Variants in PEX3 observed in about 807,000 individuals in gnomAD.
PEX3 encodes the protein peroxisomal biogenesis factor 3, also known as peroxin-3.
In PEX3, 30 loss-of-function variants were observed where a neutral mutation model predicts 55.8. That is an observed-to-expected ratio of 0.54 (90% CI 0.40 to 0.73). PEX3 has a LOEUF of 0.73. PEX3 is among the 30% of genes least tolerant of loss of function. The pLI is 0.00. For missense variants in PEX3, 351 were observed against 432.8 expected (o/e 0.81, Z 1.68); for synonymous variants, 135 against 148.4 (o/e 0.91, Z 0.66).
chr6:143,468,160 T>C lies in PEX3; in HGVS notation c.326T>C (p.Ile109Thr), dbSNP rs1780016339. ...NKLEIWEDLK[I>T]ISFTRSTVAV... is the part of the protein sequence containing the mutation. ...CTAGAAATATGGGAGGATCTGAAGA[T>C]AATAAGTAAGCCTGCATATTCTGTG... The change falls in exon 4 of 12, where the codon ATA becomes ACA. Residue 109 changes from isoleucine to threonine, a missense_variant. Transcript: ENST00000367591. The C allele has an allele frequency of 1.3e-6, 2 of 1,587,546 alleles. No individual in the cohort carries two copies. The highest frequency in any genetic ancestry group is 1.3e-5 in the African/African-American group (1 of 74,402).
Position 143,453,561 on chromosome 6 carries a change from G to A in PEX3, c.73+2446G>A, listed in dbSNP as rs1051987292. 1.3e-4 allele frequency among the ~76,000 whole-genome samples: 20 copies of A among 151,966 alleles called. No homozygotes were observed. Among genetic ancestry groups the A allele is most frequent in the Non-Finnish European group, 2.5e-4 (17 of 68,002 alleles). ...CTGTTACCCACGCTAGAATACAATG[G>A]TGTGATCGTAGCTCACTGCAGCCTT... On this transcript the variant is annotated intron_variant, in intron 1 of 11. Transcript: ENST00000367591. The surrounding 1 kb of genome is among the most constrained non-coding windows in gnomAD (Gnocchi z 4.6).
chr6:143,473,806 A>G (rs548407498), intron 8 of PEX3, among the ~76,000 whole-genome samples: 2 of 152,030 alleles, frequency 1.3e-5, no homozygotes, highest in African/African-American at 2.4e-5. Flanking sequence ...CAGCAGTTCG[A>G]GTCCGTGGTG....
intron 10 of PEX3, among the ~76,000 whole-genome samples, chr6:143,480,178 A>G (rs1219808067): frequency 6.6e-6 from 1 of 152,178 alleles, no homozygotes; most frequent in East Asian, 1.9e-4. Context: ...AAATATCAAC[A>G]TAAAATCTTT....
In PEX3 at chr6:143,490,605, T is replaced by G. The variant is rs972525089; in HGVS notation, c.*1379T>G. On this transcript the variant is annotated 3_prime_UTR_variant, in exon 12 of 12. Coordinates refer to ENST00000367591, the MANE Select transcript of PEX3 (RefSeq NM_003630.3). This position sits in a 1 kb window ranked among gnomAD's most constrained non-coding sequence, Gnocchi z 6.0. Reference sequence around the variant, plus strand: ...TGGATTTGGCTTAATAAAACCTGATTTGAAAACAAAATCTGAGAATGGATT... The same window carrying G: ...TGGATTTGGCTTAATAAAACCTGATGTGAAAACAAAATCTGAGAATGGATT... 5.2e-6 allele frequency: 6 copies of G among 1,143,248 alleles called. No individual in the cohort carries two copies. The highest frequency in any genetic ancestry group is 7.1e-6 in the Non-Finnish European group (6 of 843,658). The allele number at this position is 1,143,248 out of a possible 1,614,324, so 70.8% of individuals were successfully genotyped here.
Position 143,459,126 on chromosome 6 carries a change from G to A in PEX3, c.115G>A (p.Glu39Lys). ...LGKYGQKKIR[E>K]IQEREAAEYI... ...GAAATATGGACAGAAGAAAATCAGA[G>A]AAATACAGGAAAGGGAGGCTGCAGA... The change falls in exon 2 of 12, where the codon GAA becomes AAA. Residue 39 changes from glutamate (E) to lysine (K), a missense_variant. Glu to Lys is a moderately conservative substitution (Grantham distance 56, BLOSUM62 1). Coordinates refer to ENST00000367591, the MANE Select transcript of PEX3 (RefSeq NM_003630.3). The surrounding 1 kb of genome is among the most constrained non-coding windows in gnomAD (Gnocchi z 4.2). The A allele has an allele frequency of 6.2e-7, 1 of 1,602,844 alleles. No individual in the cohort carries two copies. Among genetic ancestry groups the A allele is most frequent in the Non-Finnish European group, 8.5e-7 (1 of 1,169,870 alleles).
At position 143,479,777 on chromosome 6, in the gene PEX3, C is replaced by T. The variant is rs575730870; in HGVS notation, c.941+579C>T. ...CTTATGTATGCCATAAGGTATCTTA[C>T]GGTTTTTTATATCTTTGTTATCCCA... On this transcript the variant is annotated intron_variant, in intron 10 of 11. Coordinates refer to ENST00000367591, the MANE Select transcript of PEX3 (RefSeq NM_003630.3). The surrounding 1 kb of genome is among the most constrained non-coding windows in gnomAD (Gnocchi z 4.6). 4.6e-5 allele frequency among the ~76,000 whole-genome samples: 7 copies of T among 152,098 alleles called. No homozygotes were observed. The highest frequency in any genetic ancestry group is 2.1e-4 in the South Asian group (1 of 4,820).
chr6:143,455,646 G>A (rs1173368934), intron 1 of PEX3, among the ~76,000 whole-genome samples: 1 of 152,096 alleles, frequency 6.6e-6, no homozygotes, highest in Non-Finnish European at 1.5e-5. Flanking sequence ...CTAAAAACAT[G>A]AGTGATATGA....
At position 143,463,917 on chromosome 6, in the gene PEX3, C is replaced by T. The variant is rs1779957107; in HGVS notation, c.287+920C>T. Among the ~76,000 whole-genome samples the T allele has an allele frequency of 6.6e-6, 1 of 152,072 alleles. No homozygotes were observed. Among genetic ancestry groups the T allele is most frequent in the South Asian group, 2.1e-4 (1 of 4,832 alleles). On this transcript the variant is annotated intron_variant, in intron 3 of 11. Transcript: ENST00000367591. This position sits in a 1 kb window ranked among gnomAD's most constrained non-coding sequence, Gnocchi z 5.7. Reference sequence around the variant, plus strand: ...AACAAGTGGGGAATTTTTTTAAAAACACTTACTATATTCAGAGAATACTTC... The same window carrying T: ...AACAAGTGGGGAATTTTTTTAAAAATACTTACTATATTCAGAGAATACTTC...
chr6:143,458,574 G>C lies in PEX3; in HGVS notation c.74-511G>C, dbSNP rs1046265914. On this transcript the variant is annotated intron_variant, in intron 1 of 11. Transcript: ENST00000367591. This position sits in a 1 kb window ranked among gnomAD's most constrained non-coding sequence, Gnocchi z 6.1. ...ACCTGTTATCCCACCATTCAGCAAT[G>C]ATCATTGTTTGTTATATTTTAGAAA... is the stretch of plus-strand genomic sequence containing the variant. Among the ~76,000 whole-genome samples, 2 of 151,980 alleles carry C rather than the reference G, an allele frequency of 1.3e-5. No individual in the cohort carries two copies. Among genetic ancestry groups the C allele is most frequent in the African/African-American group, 4.8e-5 (2 of 41,406 alleles).
chr6:143,490,430 T>C lies in PEX3; in HGVS notation c.*1204T>C, dbSNP rs1780370413. 5.2e-6 allele frequency: 1 copy of C among 191,930 alleles called. No individual in the cohort carries two copies. Among genetic ancestry groups the C allele is most frequent in the Admixed American group, 6.3e-5 (1 of 15,812 alleles). 11.9% of individuals were successfully genotyped at this position (191,930 alleles called of 1,614,324 possible). On this transcript the variant is annotated 3_prime_UTR_variant, in exon 12 of 12. Transcript: ENST00000367591. This position sits in a 1 kb window ranked among gnomAD's most constrained non-coding sequence, Gnocchi z 6.0. ...AGCTCACTGCCAGGGAGTTTGTGTC[T>C]AGAATGTTTTTAAAAATAGGTAGTG...
In PEX3 at chr6:143,486,487, C is replaced by T. The variant is rs780835443; in HGVS notation, c.1038+1239C>T. Among the ~76,000 whole-genome samples, 1 of 152,000 alleles carries T rather than the reference C, an allele frequency of 6.6e-6. No individual in the cohort carries two copies. Among genetic ancestry groups the T allele is most frequent in the Admixed American group, 6.6e-5 (1 of 15,260 alleles). Reference sequence around the variant, plus strand: ...AACAAATGTTTCAATATGGTAAAAACGCCATTGATACTAATGTTTAGTAAA... The same window carrying T: ...AACAAATGTTTCAATATGGTAAAAATGCCATTGATACTAATGTTTAGTAAA... On this transcript the variant is annotated intron_variant, in intron 11 of 11. Transcript: ENST00000367591. This position sits in a 1 kb window ranked among gnomAD's most constrained non-coding sequence, Gnocchi z 5.0.
chr6:143,473,542 CAT>C (rs1010726511), intron 8 of PEX3, among the ~76,000 whole-genome samples: 3 of 152,086 alleles, frequency 2.0e-5, no homozygotes, highest in Non-Finnish European at 4.4e-5. Context: ...TGAAAGGACA[CAT>C]AGAGTCTCAG....
rs925676477 is a variant in PEX3 at position 143,473,203 on chromosome 6, G to T, written c.747+875G>T. ...ATTTCCCATTGCCAGAGACAAAGAT[G>T]AACCTGTTTGGGTGCTGAGAGATCC... On this transcript the variant is annotated intron_variant, in intron 8 of 11. Transcript: ENST00000367591. 2.6e-5 allele frequency among the ~76,000 whole-genome samples: 4 copies of T among 152,128 alleles called. No individual in the cohort carries two copies. The East Asian group carries it at 7.7e-4, about 29-fold the overall frequency.
rs1041843148 is a variant in PEX3 at position 143,488,251 on chromosome 6, C to G, written c.1039-892C>G. On this transcript the variant is annotated intron_variant, in intron 11 of 11. Transcript: ENST00000367591. The surrounding 1 kb of genome is among the most constrained non-coding windows in gnomAD (Gnocchi z 4.9). ...TTACTTCCCATTTCTTTGACACTCT[C>G]AGAGGCTGTCAACCTTTTCTATCAT... 1.3e-5 allele frequency among the ~76,000 whole-genome samples: 2 copies of G among 152,086 alleles called. No individual in the cohort carries two copies. Among genetic ancestry groups the G allele is most frequent in the African/African-American group, 4.8e-5 (2 of 41,442 alleles).
intron 3 of PEX3, 143 bp from the exon 4 acceptor site, chr6:143,467,979 G>A (rs1053226784): frequency 3.0e-5 from 16 of 534,736 alleles, no homozygotes; most frequent in South Asian, 1.1e-4. Flanking sequence ...TTTTTTTACC[G>A]TATTTTGTGG....
chr6:143,478,398 T>C (rs1209595103), intron 9 of PEX3, among the ~76,000 whole-genome samples: 1 of 152,212 alleles, frequency 6.6e-6, no homozygotes, highest in East Asian at 1.9e-4. Context: ...TTATGCCCTC[T>C]AAGTCCTACT....
rs200463608 is a variant in PEX3, at chr6:143,479,156, G to C, written c.899G>C (p.Arg300Pro). Residue 300 changes from arginine (R) to proline (P), a missense_variant, in exon 10 of 12, where the codon CGA (arginine) becomes CCA (proline). By Grantham distance (103) the Arg-to-Pro change is moderately radical. Transcript: ENST00000367591. This position sits in a 1 kb window ranked among gnomAD's most constrained non-coding sequence, Gnocchi z 4.6. ...CTAGACAATATGGCTGAGTTCTTTC[G>C]ACCTACTGAACAGGACCTGCAACAT... ...RLLDNMAEFF[R>P]PTEQDLQHGN... 1.2e-6 allele frequency: 2 copies of C among 1,604,580 alleles called. No homozygotes were observed. Among genetic ancestry groups the C allele is most frequent in the South Asian group, 1.1e-5 (1 of 90,846 alleles).
chr6:143,452,487 A>C (rs1430351708), intron 1 of PEX3, among the ~76,000 whole-genome samples: 1 of 152,206 alleles, frequency 6.6e-6, no homozygotes, highest in East Asian at 1.9e-4. Context: ...CGATCTCAGA[A>C]GGAATACTCC....
intron 1 of PEX3, among the ~76,000 whole-genome samples, chr6:143,456,416 G>T (rs1779845632): frequency 6.6e-6 from 1 of 152,162 alleles, no homozygotes; most frequent in Non-Finnish European, 1.5e-5. Context: ...ACTTAGTTCA[G>T]TGCTAAAATC....
Sources: allele counts gnomAD v4.1 joint callset (sites outside exome capture counted in the v4.1 genomes callset), GRCh38; gene constraint gnomAD v4.1.1; non-coding constraint Gnocchi (gnomAD v3.1); transcripts MANE v1.5; gene names NCBI Gene and HGNC (gene_info 2026-07-23, HGNC 2026-07-21).